The following SP3 variants were observed in gnomAD, a reference collection of about 807,000 sequenced individuals.
SP3 encodes transcription factor Sp3.
Under a neutral mutation model 70.3 loss-of-function variants are expected in SP3, and 10 were observed. That is an observed-to-expected ratio of 0.14 (90% CI 0.09 to 0.24). The LOEUF (loss-of-function observed/expected upper bound fraction) is 0.24, where lower values mean the gene tolerates loss of function less well. Among genes scored for constraint, SP3 ranks in the 10% least tolerant of loss-of-function variants. The probability of loss-of-function intolerance (pLI) is 1.00; values close to 1 mark genes in which losing one functional copy is unlikely to be tolerated. For missense variants in SP3, 825 were observed against 914.6 expected (o/e 0.90, Z 1.26); for synonymous variants, 402 against 333.5 (o/e 1.21, Z -2.24).
At chr2:173,957,540 GAAGAA>G (rs1017686393) in intron 3 of SP3, among the ~76,000 whole-genome samples, 8 of 152,136 alleles carry the variant, frequency 5.3e-5, no homozygotes, top group Admixed American at 2.0e-4. Context: ...GTTTGGAGTT[GAAGAA>G]AAGATCCCAA....
intron 1 of SP3, chr2:173,964,756 T>C (rs1691232710): frequency 2.5e-5 from 8 of 325,784 alleles, no homozygotes; most frequent in Admixed American, 6.0e-5. Context: ...CCTGTAACCC[T>C]CCTCCTCCTC....
Position 173,965,327 on chromosome 2 carries a change from A to C in SP3, c.-156T>G. The C allele has an allele frequency of 1.2e-6, 1 of 858,336 alleles. No individual in the cohort carries two copies. The allele number at this position is 858,336 out of a possible 1,614,324, so 53.2% of individuals were successfully genotyped here. Reference sequence around the variant, plus strand: ...TCCTATTTTGATTGACTGTGCGGGAAACACAAAAGGTGGAGCCTCCAGCCC... The same window carrying C: ...TCCTATTTTGATTGACTGTGCGGGACACACAAAAGGTGGAGCCTCCAGCCC... On this transcript the variant is annotated 5_prime_UTR_variant, in exon 1 of 7. Coordinates refer to ENST00000310015, the MANE Select transcript of SP3 (RefSeq NM_003111.5).
chr2:173,955,015 T>A lies in SP3; in HGVS notation c.1497A>T (p.Gln499His). ...AAGTGAAGGCTCCACCTGCCGCAACTTGACCAAGTGTGAGGGTTTGAACAG... is the reference window on the plus strand; with the variant it reads ...AAGTGAAGGCTCCACCTGCCGCAACATGACCAAGTGTGAGGGTTTGAACAG... ...LTPVQTLTLG[Q>H]VAAGGAFTST... is the part of the protein sequence containing the mutation. Residue 499 changes from glutamine (Q) to histidine (H), a missense_variant, in exon 4 of 7, where the codon CAA (glutamine) becomes CAT (histidine). Around this residue, in one of 4 missense-constraint regions of SP3, gnomAD observed 678 missense variants for 651.6 expected, o/e 1.04. Coordinates refer to ENST00000310015, the MANE Select transcript of SP3 (RefSeq NM_003111.5). 1 of 1,614,212 alleles carries A rather than the reference T, an allele frequency of 6.2e-7. No homozygotes were observed. Among genetic ancestry groups the A allele is most frequent in the Non-Finnish European group, 8.5e-7 (1 of 1,180,036 alleles).
At chr2:173,965,680 G>C (rs980081031), upstream of SP3, 1 of 158,906 alleles carries the variant, frequency 6.3e-6, no homozygotes, top group Non-Finnish European at 1.4e-5. Flanking sequence ...TAGGGGAGCT[G>C]AGCTGGGGAG....
rs141893044 is a variant in SP3 at position 173,917,711 on chromosome 2, T to A, written c.1832+882A>T. Among the ~76,000 whole-genome samples the A allele has an allele frequency of 2.5e-3, 382 of 152,170 alleles. 1 individual carries two copies. The highest frequency in any genetic ancestry group is 8.8e-3 in the African/African-American group (367 of 41,552). ...GATTTGGTTAAGTATGGCTTTAGAG[T>A]TCTATCCGTTTTTGCTCTATATATT... On this transcript the variant is annotated intron_variant, in intron 5 of 6. Transcript: ENST00000310015.
intron 4 of SP3, among the ~76,000 whole-genome samples, chr2:173,943,976 T>C (rs1690455558): frequency 6.6e-6 from 1 of 152,224 alleles, no homozygotes; most frequent in South Asian, 2.1e-4. Flanking sequence ...TATAGGCAAC[T>C]GTAAACATGA....
intron 6 of SP3, among the ~76,000 whole-genome samples, chr2:173,910,635 T>C (rs1404912422): frequency 2.6e-5 from 4 of 152,216 alleles, no homozygotes; most frequent in Non-Finnish European, 5.9e-5. Flanking sequence ...TTTCACGCTA[T>C]AATTAAAATA....
In SP3 at chr2:173,905,237, G is replaced by A. The variant is rs1344552353; in HGVS notation, c.*4704C>T. On this transcript the variant is annotated 3_prime_UTR_variant, in exon 7 of 7. Coordinates refer to ENST00000310015, the MANE Select transcript of SP3 (RefSeq NM_003111.5). The stretch of plus-strand genomic sequence containing the variant: ...GAAAATTCTAAAACACTTCACTACA[G>A]AAAAATGGAATCTCCAGAGTTAAGG... Among the ~76,000 whole-genome samples the A allele has an allele frequency of 2.0e-5, 3 of 152,228 alleles. No homozygotes were observed. In the East Asian group the frequency reaches 5.8e-4, roughly 29 times the overall value.
intron 5 of SP3, chr2:173,914,761 CTGAGT>C (rs1410294244): frequency 6.6e-6 from 1 of 152,186 alleles, no homozygotes; most frequent in Non-Finnish European, 1.5e-5. Flanking sequence ...CTTCAAAGAG[CTGAGT>C]TAAGTGAAAC....
intron 4 of SP3, 24 bp from the exon 5 acceptor site, chr2:173,918,809 A>G (rs1689675608): frequency 6.3e-7 from 1 of 1,587,318 alleles, no homozygotes; most frequent in South Asian, 1.2e-5. Flanking sequence ...AAAACCAAAT[A>G]CAGATGAGAA....
intron 4 of SP3, among the ~76,000 whole-genome samples, chr2:173,928,820 A>G (rs1333877882): frequency 6.6e-6 from 1 of 152,250 alleles, no homozygotes; most frequent in Non-Finnish European, 1.5e-5. Context: ...TTTAGAATTT[A>G]TACATTTTTC....
chr2:173,951,096 G>A (rs554474226), intron 4 of SP3, among the ~76,000 whole-genome samples: 2 of 152,108 alleles, frequency 1.3e-5, no homozygotes, highest in East Asian at 1.9e-4. Context: ...TTACTTTACT[G>A]AAGAACTTGG....
rs763734316 is a variant in SP3 at position 173,955,220 on chromosome 2, A to G, written c.1292T>C (p.Ile431Thr). Residue 431 changes from isoleucine to threonine, a missense_variant, in exon 4 of 7, where the codon ATA becomes ACA. Coordinates refer to ENST00000310015, the MANE Select transcript of SP3 (RefSeq NM_003111.5). Reference sequence around the variant, plus strand: ...AAGATTTTGCAAAGCCTGTTGTGATATATTTTGACCACTGGCTTGCACACC... The same window carrying G: ...AAGATTTTGCAAAGCCTGTTGTGATGTATTTTGACCACTGGCTTGCACACC... ...IHGVQASGQN[I>T]SQQALQNLQL... is the part of the protein sequence containing the mutation. 3 of 1,614,172 alleles carry G rather than the reference A, an allele frequency of 1.9e-6. No homozygotes were observed. Among genetic ancestry groups the G allele is most frequent in the East Asian group, 2.2e-5 (1 of 44,884 alleles).
intron 4 of SP3, among the ~76,000 whole-genome samples, chr2:173,931,296 A>G (rs1690058007): frequency 6.6e-6 from 1 of 152,098 alleles, no homozygotes; most frequent in Non-Finnish European, 1.5e-5. Flanking sequence ...TGGGATGCCA[A>G]GGCGAGCAGA....
chr2:173,958,151 G>A (rs1300767450), intron 3 of SP3, among the ~76,000 whole-genome samples: 1 of 151,686 alleles, frequency 6.6e-6, no homozygotes, highest in East Asian at 1.9e-4. Context: ...AAATTTACAG[G>A]TATTGAACTT....
chr2:173,955,675 G>A lies in SP3; in HGVS notation c.837C>T (p.Leu279=), dbSNP rs778751435. The A allele has an allele frequency of 1.9e-6, 3 of 1,614,208 alleles. No homozygotes were observed. The highest frequency in any genetic ancestry group is 2.5e-6 in the Non-Finnish European group (3 of 1,180,040). ...INSVDLDSLG[L]SGSSQTMTAG... ...CAGTCATTGTCTGAGAACTGCCCGA[G>A]AGTCCCAAAGAATCTAGATCGACAC... Residue 279 remains leucine (L), a synonymous_variant, in exon 4 of 7, where the codon CTC becomes CTT. Transcript: ENST00000310015.
At position 173,965,191 on chromosome 2, in the gene SP3, A is replaced by AT; in HGVS notation, c.-21_-20insA. On this transcript the variant is annotated 5_prime_UTR_variant, in exon 1 of 7. The change creates a new upstream start codon in the 5' untranslated region. Coordinates refer to ENST00000310015, the MANE Select transcript of SP3 (RefSeq NM_003111.5). ...GGTCATAGTGTGTTTAGGGCACCTCAGGCGGGGCTCCCCGCCGCCTTACAC... is the reference window on the plus strand; with the variant it reads ...GGTCATAGTGTGTTTAGGGCACCTCATGGCGGGGCTCCCCGCCGCCTTACAC... 1 of 1,546,790 alleles carries AT rather than the reference A, an allele frequency of 6.5e-7. No homozygotes were observed. The highest frequency in any genetic ancestry group is 8.7e-7 in the Non-Finnish European group (1 of 1,145,258).
At chr2:173,929,288 T>A (rs1243984676) in intron 4 of SP3, among the ~76,000 whole-genome samples, 1 of 152,098 alleles carries the variant, frequency 6.6e-6, no homozygotes, top group East Asian at 1.9e-4. Flanking sequence ...GACTCCCTAG[T>A]CCCCTGCTGT....
intron 4 of SP3, among the ~76,000 whole-genome samples, chr2:173,942,903 G>C (rs1235388016): frequency 1.3e-5 from 2 of 151,878 alleles, no homozygotes; most frequent in Non-Finnish European, 2.9e-5. Context: ...TTAAAATACA[G>C]TACAACTATA....
Sources: gnomAD v4.1 joint callset for allele counts (sites outside exome capture counted in the v4.1 genomes callset) on GRCh38, gnomAD v4.1.1 for gene constraint, gnomAD v4.1.1 regional missense constraint, MANE v1.5 for transcripts, NCBI Gene and HGNC (gene_info 2026-07-23, HGNC 2026-07-21) for gene names.